Variants in KLF12 observed in about 807,000 individuals in gnomAD.
KLF12 encodes the protein KLF transcription factor 12, also known as Krueppel-like factor 12.
A neutral mutation model predicts 37.8 loss-of-function variants in KLF12; 9 were observed. That is an observed-to-expected ratio of 0.24 (90% CI 0.14 to 0.42). KLF12 has a LOEUF of 0.42. KLF12 is among the 10% of genes least tolerant of loss of function. KLF12 has a pLI of 1.00. For synonymous variants in KLF12, 208 were observed against 202.1 expected, an observed-to-expected ratio of 1.03 and a Z score of -0.25; for missense variants, 411 against 516.0, an observed-to-expected ratio of 0.80 and a Z score of 1.97.
chr13:73,826,332 T>C (rs1487309938), intron 4 of KLF12, among the ~76,000 whole-genome samples: 1 of 152,182 alleles, frequency 6.6e-6, no homozygotes, highest in Non-Finnish European at 1.5e-5. Flanking sequence ...TTGAAAATCA[T>C]TTCTTCCCAC....
chr13:74,166,073 T>C, the KLF12 span, among the ~76,000 whole-genome samples: 4 of 146,366 alleles, frequency 2.7e-5, no homozygotes, highest in Non-Finnish European at 6.0e-5. Flanking sequence ...GATTTTGAAC[T>C]AATGCATAAA....
chr13:73,938,318 T>C (rs1371611533), intron 3 of KLF12, among the ~76,000 whole-genome samples: 1 of 152,218 alleles, frequency 6.6e-6, no homozygotes, highest in African/African-American at 2.4e-5. Flanking sequence ...TTTTTCCCCC[T>C]AATGCTACTG....
intron 1 of KLF12, among the ~76,000 whole-genome samples, chr13:74,002,981 TGTTTTACCA>T (rs1892320629): frequency 1.3e-5 from 2 of 152,364 alleles, no homozygotes; most frequent in Admixed American, 1.3e-4. Context: ...ATCTCTTGAA[TGTTTTACCA>T]TATGGTTAAC....
At chr13:73,727,784 G>A (rs1252252731) in intron 6 of KLF12, among the ~76,000 whole-genome samples, 2 of 151,114 alleles carry the variant, frequency 1.3e-5, no homozygotes, top group East Asian at 1.9e-4. Flanking sequence ...TGCAACCTCC[G>A]TCTCCCGGGT....
At chr13:73,881,223 T>C (rs1234645443) in intron 3 of KLF12, among the ~76,000 whole-genome samples, 1 of 152,160 alleles carries the variant, frequency 6.6e-6, no homozygotes, top group Non-Finnish European at 1.5e-5. Flanking sequence ...TTTATTTCTG[T>C]ATTTTTGCAT....
intron 5 of KLF12, among the ~76,000 whole-genome samples, chr13:73,776,178 CTCAGTT>C (rs1213145615): frequency 5.9e-5 from 9 of 152,066 alleles, no homozygotes; most frequent in African/African-American, 2.2e-4. Flanking sequence ...GTATTTAAGT[CTCAGTT>C]TGTTTTTCTT....
At chr13:74,215,651 T>C in the KLF12 span, among the ~76,000 whole-genome samples, 1 of 152,196 alleles carries the variant, frequency 6.6e-6, no homozygotes, top group South Asian at 2.1e-4. Context: ...CTGGTCATTT[T>C]GTTGCAGAAC....
At chr13:73,811,497 A>C (rs1311267151) in intron 5 of KLF12, among the ~76,000 whole-genome samples, 1 of 152,202 alleles carries the variant, frequency 6.6e-6, no homozygotes, top group Non-Finnish European at 1.5e-5. Flanking sequence ...AAACTACTGC[A>C]CTAGTACTAT....
intron 1 of KLF12, among the ~76,000 whole-genome samples, chr13:74,073,588 C>A (rs1167414508): frequency 1.3e-5 from 2 of 152,168 alleles, no homozygotes; most frequent in Non-Finnish European, 2.9e-5. Context: ...CACACAGAAG[C>A]TCCATTGGTA....
the KLF12 span, among the ~76,000 whole-genome samples, chr13:74,252,379 G>T: frequency 6.6e-6 from 1 of 152,170 alleles, no homozygotes; most frequent in East Asian, 1.9e-4. Context: ...TTTGTTACAG[G>T]TATACCTCTT....
At chr13:73,868,142 G>A (rs1214724930) in intron 3 of KLF12, among the ~76,000 whole-genome samples, 8 of 148,316 alleles carry the variant, frequency 5.4e-5, no homozygotes, top group African/African-American at 1.7e-4. Flanking sequence ...GATAAACCCC[G>A]TCTCTACTAA....
At chr13:74,187,911 C>T in the KLF12 span, among the ~76,000 whole-genome samples, 891 of 152,088 alleles carry the variant, frequency 5.9e-3, 2 homozygotes, top group Non-Finnish European at 9.1e-3. Context: ...GGGGCATAGC[C>T]GGAAGAAAAT....
At chr13:73,987,107 T>C (rs1372193101) in intron 2 of KLF12, among the ~76,000 whole-genome samples, 1 of 152,190 alleles carries the variant, frequency 6.6e-6, no homozygotes, top group Non-Finnish European at 1.5e-5. Context: ...GATTCTTAAA[T>C]TGGAATTTTG....
the KLF12 span, chr13:74,231,807 C>G: frequency 6.6e-6 from 1 of 152,098 alleles, no homozygotes; most frequent in Non-Finnish European, 1.5e-5. Flanking sequence ...TATATGCTTG[C>G]AAATAGTCTC....
the KLF12 span, among the ~76,000 whole-genome samples, chr13:74,139,164 A>T: frequency 6.6e-6 from 1 of 152,206 alleles, no homozygotes; most frequent in African/African-American, 2.4e-5. Flanking sequence ...ACCTGCGCCA[A>T]TGGGAGATAT....
chr13:73,940,056 C>T (rs1890120287), intron 3 of KLF12, among the ~76,000 whole-genome samples: 1 of 152,110 alleles, frequency 6.6e-6, no homozygotes, highest in African/African-American at 2.4e-5. Flanking sequence ...AACTGCAGGG[C>T]CAGGAATAAA....
chr13:74,266,017 C>T, the KLF12 span, among the ~76,000 whole-genome samples: 7 of 152,110 alleles, frequency 4.6e-5, no homozygotes, highest in Non-Finnish European at 7.3e-5. Context: ...TGTGGATTAT[C>T]GTAAGCTTAA....
At chr13:73,813,567 G>C (rs1017045705) in intron 4 of KLF12, among the ~76,000 whole-genome samples, 7 of 152,064 alleles carry the variant, frequency 4.6e-5, no homozygotes, top group Admixed American at 4.6e-4. Flanking sequence ...CTCCTGAGTG[G>C]TCAAAAGCTG....
the KLF12 span, among the ~76,000 whole-genome samples, chr13:74,176,611 CATT>C: frequency 1.1e-4 from 17 of 152,270 alleles, no homozygotes; most frequent in South Asian, 2.7e-3. Context: ...TATTTTCCCT[CATT>C]ATATCCACTG....
Sources: gnomAD v4.1 joint callset for allele counts (sites outside exome capture counted in the v4.1 genomes callset) on GRCh38, gnomAD v4.1.1 for gene constraint, MANE v1.5 for transcripts, NCBI Gene and HGNC (gene_info 2026-07-23, HGNC 2026-07-21) for gene names.